Variants in TMEM232 observed in about 807,000 individuals in gnomAD.
The protein encoded by TMEM232 is transmembrane protein 232.
Under a neutral mutation model 78.8 loss-of-function variants are expected in TMEM232, and 80 were observed. That is an observed-to-expected ratio of 1.01 (90% CI 0.85 to 1.22). The LOEUF (loss-of-function observed/expected upper bound fraction) is 1.22, where lower values mean the gene tolerates loss of function less well. Ranked by LOEUF, TMEM232 falls within the 50% of genes most tolerant of loss-of-function variation. TMEM232 has a pLI of 0.00. For missense variants in TMEM232, 881 were observed against 742.2 expected, an observed-to-expected ratio of 1.19 and a Z score of -2.17; for synonymous variants, 297 against 254.3, an observed-to-expected ratio of 1.17 and a Z score of -1.60.
At chr5:110,598,354 G>A (rs1780449797) in intron 10 of TMEM232, among the ~76,000 whole-genome samples, 1 of 152,136 alleles carries the variant, frequency 6.6e-6, no homozygotes, top group African/African-American at 2.4e-5. Context: ...TCAAAAGTCA[G>A]GAAACAACAG....
At chr5:110,631,024 A>C (rs1561419942) in intron 5 of TMEM232, among the ~76,000 whole-genome samples, 2 of 152,082 alleles carry the variant, frequency 1.3e-5, no homozygotes, top group Admixed American at 6.6e-5. Context: ...ATGTGAGAGT[A>C]CAGCCATCAT....
At chr5:110,570,368 A>G (rs1296218399) in intron 10 of TMEM232, among the ~76,000 whole-genome samples, 1 of 152,032 alleles carries the variant, frequency 6.6e-6, no homozygotes, top group Non-Finnish European at 1.5e-5. Context: ...TTTCTTTGTG[A>G]ATAGTCTTGA....
At chr5:110,675,456 T>C (rs1356340504) in intron 1 of TMEM232, among the ~76,000 whole-genome samples, 1 of 152,078 alleles carries the variant, frequency 6.6e-6, no homozygotes, top group East Asian at 1.9e-4. Context: ...AGCTGGGAAA[T>C]ACTGACTCCA....
At chr5:110,488,454 T>C (rs1179524518) in intron 12 of TMEM232, among the ~76,000 whole-genome samples, 1 of 152,012 alleles carries the variant, frequency 6.6e-6, no homozygotes, top group Non-Finnish European at 1.5e-5. Context: ...GTATGGAGAA[T>C]TAAGCAATAC....
chr5:110,469,172 G>GC (rs1056979302), intron 12 of TMEM232, among the ~76,000 whole-genome samples: 1 of 151,862 alleles, frequency 6.6e-6, no homozygotes, highest in African/African-American at 2.4e-5. Context: ...GAAACAAACA[G>GC]CCAATACTGT....
chr5:110,653,524 T>G (rs1788616432), intron 2 of TMEM232, among the ~76,000 whole-genome samples: 1 of 152,222 alleles, frequency 6.6e-6, no homozygotes. Flanking sequence ...GCAGTTGTCC[T>G]TTCAAAGTTC....
Position 110,580,090 on chromosome 5 carries a change from AAAGGAT to A in TMEM232, c.1277-11471_1277-11466del, listed in dbSNP as rs1282004051. Among the ~76,000 whole-genome samples, 3 of 151,778 alleles carry A rather than the reference AAAGGAT, an allele frequency of 2.0e-5. No individual in the cohort carries two copies. In the East Asian group the frequency reaches 5.8e-4, roughly 29 times the overall value. On this transcript the variant is annotated intron_variant, in intron 10 of 13. Transcript: ENST00000455884. ...ACTAAGAAAAATATTATGTAATATA[AAAGGAT>A]CAATCCACTAAAAAGATATAACAAT...
intron 1 of TMEM232, among the ~76,000 whole-genome samples, chr5:110,675,699 G>T (rs1791943572): frequency 6.6e-6 from 1 of 152,116 alleles, no homozygotes; most frequent in Admixed American, 6.5e-5. Context: ...ATAATGTGAT[G>T]TTTTCATATA....
intron 12 of TMEM232, among the ~76,000 whole-genome samples, chr5:110,463,287 A>ATTGT (rs1370016866): frequency 6.6e-6 from 1 of 152,214 alleles, no homozygotes; most frequent in East Asian, 1.9e-4. Context: ...AGCTCAGATG[A>ATTGT]TTGTTAGCAT....
At chr5:110,644,715 G>C (rs1462604445) in intron 2 of TMEM232, among the ~76,000 whole-genome samples, 1 of 151,198 alleles carries the variant, frequency 6.6e-6, no homozygotes, top group Admixed American at 6.6e-5. Context: ...ACTATAAAAA[G>C]AATAATCCTA....
At chr5:110,579,677 C>T (rs1302499043) in intron 10 of TMEM232, among the ~76,000 whole-genome samples, 1 of 150,922 alleles carries the variant, frequency 6.6e-6, no homozygotes, top group Non-Finnish European at 1.5e-5. Context: ...ACAGAAGTTA[C>T]ACGAAAGAAA....
At chr5:110,396,889 T>C (rs1755409250) in intron 3 of TMEM232, among the ~76,000 whole-genome samples, 1 of 152,004 alleles carries the variant, frequency 6.6e-6, no homozygotes, top group African/African-American at 2.4e-5. Flanking sequence ...ATCATGTCCA[T>C]AGGAGAGAGG....
chr5:110,448,853 C>T (rs1235270946), intron 12 of TMEM232, among the ~76,000 whole-genome samples: 3 of 151,428 alleles, frequency 2.0e-5, no homozygotes, highest in African/African-American at 7.3e-5. Flanking sequence ...CACTGGGGTA[C>T]ATCAAAATAA....
chr5:110,419,220 T>C (rs890488718), downstream of TMEM232, among the ~76,000 whole-genome samples: 17 of 151,992 alleles, frequency 1.1e-4, no homozygotes, highest in Non-Finnish European at 2.1e-4. Flanking sequence ...GGAAGGTATT[T>C]GGAAAGGTAT....
intron 12 of TMEM232, among the ~76,000 whole-genome samples, chr5:110,427,303 G>A (rs1294207360): frequency 2.0e-5 from 3 of 151,926 alleles, no homozygotes; most frequent in South Asian, 2.1e-4. Context: ...CAAGGAATAA[G>A]AAGGAATTAG....
intron 5 of TMEM232, among the ~76,000 whole-genome samples, chr5:110,637,134 TTTAC>T (rs975047848): frequency 6.7e-6 from 1 of 150,198 alleles, no homozygotes; most frequent in African/African-American, 2.4e-5. Flanking sequence ...ATATTTTATT[TTTAC>T]TTATATATAT....
At chr5:110,624,597 CATT>C (rs1378287082) in intron 7 of TMEM232, among the ~76,000 whole-genome samples, 1 of 152,046 alleles carries the variant, frequency 6.6e-6, no homozygotes, top group East Asian at 1.9e-4. Context: ...AATTTGTGCT[CATT>C]AGTAATTATA....
At chr5:110,547,032 G>C (rs542212124) in intron 11 of TMEM232, among the ~76,000 whole-genome samples, 1 of 151,640 alleles carries the variant, frequency 6.6e-6, no homozygotes, top group East Asian at 1.9e-4. Context: ...GTAAAATTAA[G>C]CACAACTGTA....
At chr5:110,460,521 T>G (rs1452611627) in intron 12 of TMEM232, among the ~76,000 whole-genome samples, 2 of 152,170 alleles carry the variant, frequency 1.3e-5, no homozygotes, top group Admixed American at 6.5e-5. Flanking sequence ...GCAAAGAAAT[T>G]AATACTTTTG....
Sources: gnomAD v4.1 joint callset for allele counts (sites outside exome capture counted in the v4.1 genomes callset) on GRCh38, gnomAD v4.1.1 for gene constraint, MANE v1.5 for transcripts, NCBI Gene and HGNC (gene_info 2026-07-23, HGNC 2026-07-21) for gene names.